LRRC7: variants seen among roughly 807,000 people sequenced by gnomAD.
The protein encoded by LRRC7 is leucine-rich repeat-containing protein 7.
A neutral mutation model predicts 175.7 loss-of-function variants in LRRC7; 23 were observed. That is an observed-to-expected ratio of 0.13 (90% CI 0.09 to 0.19). The LOEUF is 0.19. LRRC7 is among the 10% of genes least tolerant of loss of function. The pLI is 1.00. For missense variants in LRRC7, 1,354 were observed against 1,904.7 expected (o/e 0.71, Z 5.38); for synonymous variants, 685 against 680.9 (o/e 1.01, Z -0.09).
At chr1:69,779,193 A>G (rs1419265785) in intron 3 of LRRC7, among the ~76,000 whole-genome samples, 3 of 152,050 alleles carry the variant, frequency 2.0e-5, no homozygotes, top group Non-Finnish European at 4.4e-5. Context: ...TTACCAACCA[A>G]TAATTACTAA....
chr1:69,796,292 A>G (rs920231130), intron 4 of LRRC7, among the ~76,000 whole-genome samples: 2 of 151,912 alleles, frequency 1.3e-5, no homozygotes, highest in Admixed American at 6.6e-5. Flanking sequence ...TACAAAGGAC[A>G]TGACTCTAAC....
intron 5 of LRRC7, 106 bp downstream of exon 5, chr1:69,825,932 G>C: frequency 1.7e-6 from 1 of 599,274 alleles, no homozygotes; most frequent in East Asian, 3.4e-5. Context: ...ATGTAGCATT[G>C]ACATAGCATT....
chr1:69,604,104 A>C (rs1647205151), intron 1 of LRRC7, among the ~76,000 whole-genome samples: 2 of 152,132 alleles, frequency 1.3e-5, no homozygotes, highest in Admixed American at 6.6e-5. Flanking sequence ...ACCTGGGGAA[A>C]TGATTTGTAT....
chr1:69,722,307 G>C (rs1025407651), intron 2 of LRRC7, among the ~76,000 whole-genome samples: 1 of 151,844 alleles, frequency 6.6e-6, no homozygotes, highest in African/African-American at 2.4e-5. Context: ...ACATTGTATT[G>C]ATTTATTTTG....
chr1:69,930,983 C>A (rs928018457), intron 7 of LRRC7, among the ~76,000 whole-genome samples: 1 of 152,070 alleles, frequency 6.6e-6, no homozygotes, highest in Non-Finnish European at 1.5e-5. Context: ...GGACACAGAC[C>A]AAAACTGTAT....
intron 18 of LRRC7, among the ~76,000 whole-genome samples, chr1:70,030,571 G>T (rs963320195): frequency 6.6e-6 from 1 of 152,090 alleles, no homozygotes; most frequent in Non-Finnish European, 1.5e-5. Flanking sequence ...GCTGATCAGT[G>T]CATACTAAAC....
At chr1:69,908,014 A>C (rs1249676551) in intron 7 of LRRC7, among the ~76,000 whole-genome samples, 8 of 152,208 alleles carry the variant, frequency 5.3e-5, no homozygotes, top group South Asian at 2.1e-4. Flanking sequence ...CGAGGAATTT[A>C]CCCATTTCTT....
chr1:69,616,823 C>T (rs1002320278), intron 1 of LRRC7, among the ~76,000 whole-genome samples: 8 of 151,998 alleles, frequency 5.3e-5, no homozygotes, highest in East Asian at 1.9e-4. Flanking sequence ...ACTGTAAGGA[C>T]GATGCGGGTA....
chr1:69,863,174 G>A (rs760774951), intron 7 of LRRC7, among the ~76,000 whole-genome samples: 1 of 151,998 alleles, frequency 6.6e-6, no homozygotes, highest in Non-Finnish European at 1.5e-5. Context: ...ATTTCCTTCT[G>A]TCTGGAACTC....
chr1:69,695,394 A>C (rs1662441049), intron 2 of LRRC7, among the ~76,000 whole-genome samples: 1 of 152,202 alleles, frequency 6.6e-6, no homozygotes, highest in Non-Finnish European at 1.5e-5. Context: ...AAATAACTTA[A>C]ATTTGGAACT....
chr1:69,947,171 AGACAGCTTATAGT>A (rs1649427675), intron 8 of LRRC7, among the ~76,000 whole-genome samples: 1 of 152,002 alleles, frequency 6.6e-6, no homozygotes, highest in Non-Finnish European at 1.5e-5. Flanking sequence ...AATCTCTTGT[AGACAGCTTATAGT>A]TGGGTCTTGT....
intron 7 of LRRC7, among the ~76,000 whole-genome samples, chr1:69,923,025 C>A (rs371583056): frequency 2.0e-5 from 3 of 151,918 alleles, no homozygotes; most frequent in Admixed American, 1.3e-4. Context: ...TGTCCATGTG[C>A]TCTCATTGTT....
At chr1:69,617,427 C>T (rs534494495) in intron 1 of LRRC7, among the ~76,000 whole-genome samples, 2 of 151,406 alleles carry the variant, frequency 1.3e-5, no homozygotes, top group South Asian at 4.2e-4. Flanking sequence ...GTTTTTGAGT[C>T]TCCAATTTTA....
At chr1:69,894,557 C>A (rs946052020) in intron 7 of LRRC7, among the ~76,000 whole-genome samples, 1 of 152,078 alleles carries the variant, frequency 6.6e-6, no homozygotes, top group Non-Finnish European at 1.5e-5. Context: ...TTAACATGTA[C>A]AAATTCACAA....
chr1:69,888,476 C>T (rs1461653597), intron 7 of LRRC7, among the ~76,000 whole-genome samples: 6 of 152,136 alleles, frequency 3.9e-5, no homozygotes, highest in African/African-American at 7.2e-5. Context: ...TGCTTTGGCT[C>T]GCGCACGGTG....
Position 69,686,274 on chromosome 1 carries a change from G to T in LRRC7, c.100+7796G>T, listed in dbSNP as rs114612292. ...CTACACAGAACTCTCCAAACACAAA[G>T]GAAAAGTTTAACAAAAGAAGACTTG... On this transcript the variant is annotated intron_variant, in intron 2 of 26. Coordinates refer to ENST00000651989, the MANE Select transcript of LRRC7 (RefSeq NM_001370785.2). Among the ~76,000 whole-genome samples the T allele has an allele frequency of 4.4e-3, 664 of 152,032 alleles. 8 individuals are homozygous for T. Among genetic ancestry groups the T allele is most frequent in the African/African-American group, 0.015 (634 of 41,470 alleles).
chr1:69,634,268 C>T (rs1190834581), intron 1 of LRRC7, among the ~76,000 whole-genome samples: 1 of 151,928 alleles, frequency 6.6e-6, no homozygotes, highest in Non-Finnish European at 1.5e-5. Flanking sequence ...GTGAAAGAGC[C>T]ATGAAGTGTT....
At chr1:69,854,806 C>T (rs1024109291) in intron 7 of LRRC7, among the ~76,000 whole-genome samples, 5 of 151,986 alleles carry the variant, frequency 3.3e-5, no homozygotes, top group Admixed American at 1.3e-4. Flanking sequence ...AACAGTTCTA[C>T]TGGTGATTTT....
At chr1:69,602,939 C>T (rs1333461111) in intron 1 of LRRC7, among the ~76,000 whole-genome samples, 1 of 152,190 alleles carries the variant, frequency 6.6e-6, no homozygotes, top group African/African-American at 2.4e-5. Flanking sequence ...GATTTATAGC[C>T]TAGGTGTGTA....
Sources: allele counts gnomAD v4.1 joint callset (sites outside exome capture counted in the v4.1 genomes callset), GRCh38; gene constraint gnomAD v4.1.1; transcripts MANE v1.5; gene names NCBI Gene and HGNC (gene_info 2026-07-23, HGNC 2026-07-21).